Variants in TXNDC15 observed in about 807,000 individuals in gnomAD.
TXNDC15 encodes the protein thioredoxin domain containing 15.
Under a neutral mutation model 35.0 loss-of-function variants are expected in TXNDC15, and 24 were observed. The observed-to-expected ratio is 0.68, with a 90% confidence interval of 0.50 to 0.96. The LOEUF is 0.96. Among genes scored for constraint, TXNDC15 ranks in the 40% least tolerant of loss-of-function variants. The pLI is 0.00. For missense variants in TXNDC15, 385 were observed against 453.3 expected (o/e 0.85, Z 1.37); for synonymous variants, 169 against 174.0 (o/e 0.97, Z 0.23).
rs894102371 is a variant in TXNDC15, at chr5:134,882,406, C to A, written c.104-5289C>A. On this transcript the variant is annotated intron_variant, in intron 1 of 4. Coordinates refer to ENST00000358387, the MANE Select transcript of TXNDC15 (RefSeq NM_024715.4). ...TCCTCACATCCCAGACAATGGGCGG[C>A]CAGGCAGAGACGCTCCTCACTTCCC... is the stretch of plus-strand genomic sequence containing the variant. Among the ~76,000 whole-genome samples, 30 of 152,246 alleles carry A rather than the reference C, an allele frequency of 2.0e-4. 1 individual carries two copies. Among genetic ancestry groups the A allele is most frequent in the African/African-American group, 6.7e-4 (28 of 41,544 alleles).
chr5:134,875,546 G>A (rs1750017432), intron 1 of TXNDC15, among the ~76,000 whole-genome samples: 1 of 152,152 alleles, frequency 6.6e-6, no homozygotes, highest in Non-Finnish European at 1.5e-5. Context: ...TGCCCAGGCG[G>A]GAGTGCAGTG....
rs1417242073 is a variant in TXNDC15 at position 134,876,512 on chromosome 5, C to T, written c.103+1982C>T. 4.6e-5 allele frequency among the ~76,000 whole-genome samples: 7 copies of T among 151,808 alleles called. No individual in the cohort carries two copies. The East Asian group carries it at 1.4e-3, about 29-fold the overall frequency. On this transcript the variant is annotated intron_variant, in intron 1 of 4. Coordinates refer to ENST00000358387, the MANE Select transcript of TXNDC15 (RefSeq NM_024715.4). The stretch of plus-strand genomic sequence containing the variant: ...TGTTACTGGCCTTGGAATTCCTTAC[C>T]ATTGCTTTTCATTTCTCTGCACCCA...
intron 2 of TXNDC15, among the ~76,000 whole-genome samples, chr5:134,891,333 C>T (rs1750384312): frequency 6.6e-6 from 1 of 152,200 alleles, no homozygotes; most frequent in African/African-American, 2.4e-5. Context: ...TGAAATCCCT[C>T]CTTGATTCAT....
rs1224456967 is a variant in TXNDC15, at chr5:134,899,791, A to G, written c.*106A>G. ...CAGTGACGTGTTGACTTGAAACTTC[A>G]GGCAGATTAAAAGAATCATTTGTTG... On this transcript the variant is annotated 3_prime_UTR_variant, in exon 5 of 5. Transcript: ENST00000358387. The G allele has an allele frequency of 5.5e-6, 5 of 915,420 alleles. No homozygotes were observed. Among genetic ancestry groups the G allele is most frequent in the Non-Finnish European group, 8.0e-6 (5 of 623,200 alleles). The allele number at this position is 915,420 out of a possible 1,614,324, so 56.7% of individuals were successfully genotyped here. A position where few individuals can be genotyped will look rare whatever the true frequency, so the allele number is the denominator to read the frequency against.
chr5:134,895,798 T>G (rs915238082), intron 3 of TXNDC15, among the ~76,000 whole-genome samples: 1 of 152,210 alleles, frequency 6.6e-6, no homozygotes, highest in Non-Finnish European at 1.5e-5. Flanking sequence ...ACAGTTATAT[T>G]CCTTCTAAAC....
At chr5:134,885,520 A>G (rs1265348489) in intron 1 of TXNDC15, among the ~76,000 whole-genome samples, 2 of 152,150 alleles carry the variant, frequency 1.3e-5, no homozygotes, top group Non-Finnish European at 2.9e-5. Flanking sequence ...ACTCACATGC[A>G]TGTGATGACC....
At chr5:134,881,965 C>T (rs1160647042) in intron 1 of TXNDC15, among the ~76,000 whole-genome samples, 12 of 151,070 alleles carry the variant, frequency 7.9e-5, no homozygotes, top group African/African-American at 2.4e-4. Context: ...ACCTCCCTCC[C>T]GGACGGGGTG....
chr5:134,882,666 C>T (rs1274489876), intron 1 of TXNDC15, among the ~76,000 whole-genome samples: 1 of 152,200 alleles, frequency 6.6e-6, no homozygotes, highest in Non-Finnish European at 1.5e-5. Flanking sequence ...AGCGAAACCC[C>T]GTCTCCACCC....
chr5:134,874,373 C>G lies in TXNDC15; in HGVS notation c.-55C>G, dbSNP rs964355657. 7 of 1,479,216 alleles carry G rather than the reference C, an allele frequency of 4.7e-6. No individual in the cohort carries two copies. The highest frequency in any genetic ancestry group is 6.3e-6 in the Non-Finnish European group (7 of 1,105,298). 91.6% of individuals were successfully genotyped at this position (1,479,216 alleles called of 1,614,324 possible). On this transcript the variant is annotated 5_prime_UTR_variant, in exon 1 of 5. Coordinates refer to ENST00000358387, the MANE Select transcript of TXNDC15 (RefSeq NM_024715.4). ...CAGGCTCTCCTCCCCCAGCCTTCCT[C>G]CGGCTGGCAGCACGACTCGCGTAGC...
intron 1 of TXNDC15, among the ~76,000 whole-genome samples, chr5:134,880,577 C>T (rs568527443): frequency 2.9e-4 from 44 of 151,942 alleles, no homozygotes; most frequent in African/African-American, 8.2e-4. Flanking sequence ...GCTGGGATTA[C>T]GGGCGCCCGC....
At chr5:134,891,787 T>C (rs1249666412) in intron 2 of TXNDC15, among the ~76,000 whole-genome samples, 1 of 151,996 alleles carries the variant, frequency 6.6e-6, no homozygotes, top group African/African-American at 2.4e-5. Flanking sequence ...TTGCCAGGCA[T>C]GGTGGTGGGC....
chr5:134,896,204 A>G, intron 3 of TXNDC15, 90 bp from the exon 4 acceptor site: 1 of 1,468,628 alleles, frequency 6.8e-7, no homozygotes, highest in Non-Finnish European at 9.1e-7. Context: ...CAACTTCCTC[A>G]TTTATTTCTG....
intron 1 of TXNDC15, among the ~76,000 whole-genome samples, 170 bp downstream of exon 1, chr5:134,874,700 G>A (rs1039486729): frequency 6.6e-6 from 1 of 152,200 alleles, no homozygotes; most frequent in Non-Finnish European, 1.5e-5. Context: ...CTGGTGGCCC[G>A]CGAAAGGGGG....
intron 2 of TXNDC15, among the ~76,000 whole-genome samples, chr5:134,889,049 C>T (rs904037126): frequency 6.6e-6 from 1 of 152,202 alleles, no homozygotes; most frequent in Non-Finnish European, 1.5e-5. Context: ...GGGCACAGCA[C>T]CTGTAGTGCA....
intron 1 of TXNDC15, among the ~76,000 whole-genome samples, chr5:134,879,948 G>A (rs542286747): frequency 5.9e-4 from 89 of 152,020 alleles, no homozygotes; most frequent in African/African-American, 2.1e-3. Flanking sequence ...GGTGCATGCC[G>A]CCACATCTGG....
chr5:134,886,017 G>A (rs1473932077), intron 1 of TXNDC15, among the ~76,000 whole-genome samples: 1 of 152,088 alleles, frequency 6.6e-6, no homozygotes, highest in Non-Finnish European at 1.5e-5. Flanking sequence ...ATAGCCTATT[G>A]TATATTTTAA....
chr5:134,887,275 C>T (rs1487692461), intron 1 of TXNDC15, among the ~76,000 whole-genome samples: 5 of 152,202 alleles, frequency 3.3e-5, no homozygotes, highest in South Asian at 2.1e-4. Flanking sequence ...ACCTCCGCCT[C>T]CTAGGTTCCA....
At chr5:134,878,862 G>A (rs575810986) in intron 1 of TXNDC15, among the ~76,000 whole-genome samples, 2 of 152,296 alleles carry the variant, frequency 1.3e-5, no homozygotes, top group East Asian at 3.9e-4. Context: ...AGCCAGGTGT[G>A]GTGGTGCGCA....
chr5:134,886,145 T>G (rs1750271167), intron 1 of TXNDC15, among the ~76,000 whole-genome samples: 2 of 152,268 alleles, frequency 1.3e-5, no homozygotes, highest in Non-Finnish European at 2.9e-5. Context: ...ATATATTGAT[T>G]ATCACATGTG....
Sources: allele counts gnomAD v4.1 joint callset (sites outside exome capture counted in the v4.1 genomes callset), GRCh38; gene constraint gnomAD v4.1.1; transcripts MANE v1.5; gene names NCBI Gene and HGNC (gene_info 2026-07-23, HGNC 2026-07-21).